AGBL4: variants seen among roughly 807,000 people sequenced by gnomAD.
The protein encoded by AGBL4 is AGBL carboxypeptidase 4, also known as cytosolic carboxypeptidase 6.
In AGBL4, 58 loss-of-function variants were observed where a neutral mutation model predicts 66.4. That is an observed-to-expected ratio of 0.87 (90% CI 0.71 to 1.09). The LOEUF (loss-of-function observed/expected upper bound fraction) is 1.09. Among genes scored for constraint, AGBL4 ranks in the 50% least tolerant of loss-of-function variants. The pLI, the probability that AGBL4 is intolerant of heterozygous loss-of-function variation, is 0.00. For missense variants in AGBL4, 579 were observed against 631.0 expected (o/e 0.92, Z 0.88); for synonymous variants, 234 against 222.9 (o/e 1.05, Z -0.44).
At chr1:48,537,150 T>C (rs1000291327) in intron 12 of AGBL4, among the ~76,000 whole-genome samples, 4 of 152,214 alleles carry the variant, frequency 2.6e-5, no homozygotes, top group African/African-American at 9.6e-5. Context: ...AGTATTTATA[T>C]CCCAAATTAG....
chr1:49,621,489 A>T (rs1189043848), intron 3 of AGBL4, among the ~76,000 whole-genome samples: 1 of 152,228 alleles, frequency 6.6e-6, no homozygotes, highest in East Asian at 1.9e-4. Flanking sequence ...CTATGACCTA[A>T]TGCTTGCTTG....
rs745772850 is a variant in AGBL4, at chr1:49,971,907, G to GTT, written c.34+51854_34+51855dup. On this transcript the variant is annotated intron_variant, in intron 1 of 13. Coordinates refer to ENST00000371839, the MANE Select transcript of AGBL4 (RefSeq NM_032785.4). ...AAGTACAAGTGCAGGGTTTTTTTGG[G>GTT]TTTTTTTTTTTTTTTTTTTTTTTTT... Among the ~76,000 whole-genome samples, 36 of 23,450 alleles carry GTT rather than the reference G, an allele frequency of 1.5e-3. 1 individual carries two copies. Among genetic ancestry groups the GTT allele is most frequent in the African/African-American group, 3.9e-3 (29 of 7,444 alleles). 15.4% of individuals were successfully genotyped at this position (23,450 alleles called of 152,430 possible).
chr1:49,434,029 C>T (rs754604579), intron 3 of AGBL4, among the ~76,000 whole-genome samples: 2 of 152,122 alleles, frequency 1.3e-5, no homozygotes, highest in Admixed American at 6.6e-5. Context: ...GTGTGAGGAT[C>T]GTGCTATACA....
chr1:48,858,375 G>T (rs996270339), intron 6 of AGBL4, among the ~76,000 whole-genome samples: 2 of 152,186 alleles, frequency 1.3e-5, no homozygotes, highest in African/African-American at 4.8e-5. Flanking sequence ...AAAAACTTTT[G>T]TGCAAATGTT....
intron 6 of AGBL4, among the ~76,000 whole-genome samples, chr1:48,865,064 C>A (rs991482683): frequency 6.6e-6 from 1 of 152,018 alleles, no homozygotes; most frequent in Non-Finnish European, 1.5e-5. Context: ...GGCCACATCA[C>A]ACTGCAGTTC....
At position 48,728,765 on chromosome 1, in the gene AGBL4, G is replaced by A. The variant is rs140745875; in HGVS notation, c.635-65524C>T. On this transcript the variant is annotated intron_variant, in intron 6 of 13. Coordinates refer to ENST00000371839, the MANE Select transcript of AGBL4 (RefSeq NM_032785.4). Reference sequence around the variant, plus strand: ...ATTCAACTTTATTAGGTGATGCCTGGTAAATTGCTTTCCAAAGTGGTTGTG... The same window carrying A: ...ATTCAACTTTATTAGGTGATGCCTGATAAATTGCTTTCCAAAGTGGTTGTG... 5.3e-4 allele frequency among the ~76,000 whole-genome samples: 81 copies of A among 152,322 alleles called. 1 individual carries two copies. The South Asian group carries it at 0.013, about 25-fold the overall frequency.
At chr1:49,084,626 C>T (rs1225871481) in intron 4 of AGBL4, among the ~76,000 whole-genome samples, 1 of 152,136 alleles carries the variant, frequency 6.6e-6, no homozygotes, top group East Asian at 1.9e-4. Flanking sequence ...TATGACAATT[C>T]AAGGTGAGAT....
At chr1:49,325,232 A>G (rs1242209781) in intron 3 of AGBL4, among the ~76,000 whole-genome samples, 2 of 152,104 alleles carry the variant, frequency 1.3e-5, no homozygotes, top group African/African-American at 4.8e-5. Context: ...TCACCATGTT[A>G]GTCAGGATGA....
At chr1:49,782,798 ACT>A (rs1644367258) in intron 2 of AGBL4, among the ~76,000 whole-genome samples, 1 of 151,812 alleles carries the variant, frequency 6.6e-6, no homozygotes, top group Admixed American at 6.6e-5. Flanking sequence ...TTTCTCTTGC[ACT>A]CTCTTTGCCC....
In AGBL4 at chr1:49,736,668, G is replaced by A. The variant is rs142713127; in HGVS notation, c.158-39231C>T. On this transcript the variant is annotated intron_variant, in intron 2 of 13. Coordinates refer to ENST00000371839, the MANE Select transcript of AGBL4 (RefSeq NM_032785.4). Reference sequence around the variant, plus strand: ...CAACTAAAACTAAAAGAGACAAGTGGGACCTAATTAAACTAAAGAGTTTCT... The same window carrying A: ...CAACTAAAACTAAAAGAGACAAGTGAGACCTAATTAAACTAAAGAGTTTCT... 8.0e-3 allele frequency among the ~76,000 whole-genome samples: 1,218 copies of A among 152,132 alleles called. 14 individuals carry two copies. The highest frequency in any genetic ancestry group is 0.028 in the African/African-American group (1,171 of 41,502).
chr1:49,929,324 G>GA (rs1055520847), intron 1 of AGBL4, among the ~76,000 whole-genome samples: 4 of 148,090 alleles, frequency 2.7e-5, no homozygotes, highest in East Asian at 2.0e-4. Context: ...AGTTGAAATT[G>GA]AAAAAAAAAT....
rs150641101 is a variant in AGBL4, at chr1:49,794,308, C to T, written c.157+57088G>A. On this transcript the variant is annotated intron_variant, in intron 2 of 13. Coordinates refer to ENST00000371839, the MANE Select transcript of AGBL4 (RefSeq NM_032785.4). ...TCTCCCCATAACAAAAAATTGAAAA[C>T]GGATTTAAGTTAAATTACCCAAGAT... is the stretch of plus-strand genomic sequence containing the variant. 6.5e-3 allele frequency among the ~76,000 whole-genome samples: 980 copies of T among 151,832 alleles called. 5 individuals are homozygous for T. Among genetic ancestry groups the T allele is most frequent in the Middle Eastern group, 0.031 (9 of 294 alleles).
At chr1:48,690,630 T>C (rs1035835215) in intron 6 of AGBL4, among the ~76,000 whole-genome samples, 54 of 152,178 alleles carry the variant, frequency 3.5e-4, no homozygotes, top group African/African-American at 9.6e-4. Context: ...AAAAGGACCT[T>C]TTCTACTTAC....
intron 5 of AGBL4, among the ~76,000 whole-genome samples, chr1:48,931,949 C>A (rs1359727428): frequency 6.6e-6 from 1 of 152,118 alleles, no homozygotes; most frequent in Non-Finnish European, 1.5e-5. Context: ...TCCCTGCATG[C>A]AAAATCAGCC....
chr1:48,791,381 C>A (rs1258678787), intron 6 of AGBL4, among the ~76,000 whole-genome samples: 1 of 152,174 alleles, frequency 6.6e-6, no homozygotes, highest in Non-Finnish European at 1.5e-5. Flanking sequence ...CCCTTGGAGT[C>A]TATCTATAGT....
At chr1:49,128,970 A>C (rs923504338) in intron 4 of AGBL4, among the ~76,000 whole-genome samples, 1 of 152,062 alleles carries the variant, frequency 6.6e-6, no homozygotes, top group Non-Finnish European at 1.5e-5. Flanking sequence ...ACGTGATAAA[A>C]GACTTGTATC....
intron 4 of AGBL4, among the ~76,000 whole-genome samples, chr1:49,048,082 C>T (rs1368065150): frequency 6.6e-6 from 1 of 152,014 alleles, no homozygotes. Context: ...GTGAAAATGG[C>T]CTTGATGTTT....
chr1:49,776,967 T>C (rs1373098485), intron 2 of AGBL4, among the ~76,000 whole-genome samples: 1 of 152,148 alleles, frequency 6.6e-6, no homozygotes, highest in Non-Finnish European at 1.5e-5. Context: ...GAAAATAGCA[T>C]TCTAGCACAT....
At chr1:48,867,847 G>C (rs1410877490) in intron 5 of AGBL4, among the ~76,000 whole-genome samples, 1 of 152,084 alleles carries the variant, frequency 6.6e-6, no homozygotes, top group African/African-American at 2.4e-5. Flanking sequence ...TATTTGTCTA[G>C]CACACTAGGC....
Sources: gnomAD v4.1 joint callset for allele counts (sites outside exome capture counted in the v4.1 genomes callset) on GRCh38, gnomAD v4.1.1 for gene constraint, MANE v1.5 for transcripts, NCBI Gene and HGNC (gene_info 2026-07-23, HGNC 2026-07-21) for gene names.